KLRG1: variants seen among roughly 807,000 people sequenced by gnomAD.
The protein encoded by KLRG1 is killer cell lectin like receptor G1.
KLRG1 carries 16 observed loss-of-function variants against 21.8 expected under a neutral mutation model. That is an observed-to-expected ratio of 0.73 (90% CI 0.50 to 1.11). The LOEUF is 1.11. Ranked by LOEUF, KLRG1 falls within the 50% of genes most tolerant of loss-of-function variation. KLRG1 has a pLI of 0.00. For synonymous variants in KLRG1, 69 were observed against 75.9 expected (o/e 0.91, Z 0.47); for missense variants, 173 against 218.3 (o/e 0.79, Z 1.31).
the KLRG1 span, among the ~76,000 whole-genome samples, chr12:9,049,328 G>A: frequency 6.6e-6 from 1 of 152,274 alleles, no homozygotes; most frequent in African/African-American, 2.4e-5. Context: ...TGCCGGTGGC[G>A]GAGTGGGTGC....
At chr12:8,968,642 A>G (rs932632771) in intron 1 of KLRG1, among the ~76,000 whole-genome samples, 1 of 152,242 alleles carries the variant, frequency 6.6e-6, no homozygotes, top group Non-Finnish European at 1.5e-5. Context: ...ATTTAGTCCA[A>G]CAAATGAATA....
At chr12:9,164,440 G>A in the KLRG1 span, among the ~76,000 whole-genome samples, 3 of 152,236 alleles carry the variant, frequency 2.0e-5, no homozygotes, top group Non-Finnish European at 4.4e-5. Context: ...ATCAAGATTG[G>A]TTGTGTATTA....
the KLRG1 span, among the ~76,000 whole-genome samples, chr12:9,207,663 G>A: frequency 2.6e-5 from 4 of 152,210 alleles, no homozygotes; most frequent in Non-Finnish European, 5.9e-5. Flanking sequence ...GGAGAACTTT[G>A]AGACCAAGGA....
At chr12:9,103,927 C>A in the KLRG1 span, among the ~76,000 whole-genome samples, 4 of 152,052 alleles carry the variant, frequency 2.6e-5, no homozygotes, top group Admixed American at 2.0e-4. Flanking sequence ...GAATATATGT[C>A]CAGAAGTAGG....
chr12:9,162,833 T>G, the KLRG1 span, among the ~76,000 whole-genome samples: 2 of 152,144 alleles, frequency 1.3e-5, no homozygotes, highest in Non-Finnish European at 2.9e-5. Context: ...GTTACATAGG[T>G]AAATGTGTGC....
chr12:8,956,295 A>C (rs923247982), intron 1 of KLRG1, among the ~76,000 whole-genome samples: 8 of 152,206 alleles, frequency 5.3e-5, no homozygotes, highest in African/African-American at 1.9e-4. Context: ...GGTGGGACTG[A>C]ACAAGTTGGG....
the KLRG1 span, chr12:9,112,434 C>T: frequency 3.1e-6 from 5 of 1,613,938 alleles, no homozygotes; most frequent in Admixed American, 1.7e-5. Context: ...AGACTGTCCT[C>T]GTTCTTAACC....
the KLRG1 span, among the ~76,000 whole-genome samples, chr12:9,120,875 G>T: frequency 3.3e-5 from 5 of 151,114 alleles, no homozygotes; most frequent in Admixed American, 6.6e-5. Context: ...GTGTGTGTGT[G>T]TGTGTGTGTA....
At chr12:9,207,511 G>A in the KLRG1 span, among the ~76,000 whole-genome samples, 1 of 152,200 alleles carries the variant, frequency 6.6e-6, no homozygotes, top group Non-Finnish European at 1.5e-5. Flanking sequence ...GGAGTTCTAT[G>A]GGATATGAAA....
chr12:9,192,136 A>G, the KLRG1 span: 3 of 1,424,850 alleles, frequency 2.1e-6, no homozygotes, highest in East Asian at 4.6e-5. Context: ...ACTGTCACCG[A>G]GGGAAGGGTA....
chr12:9,120,268 G>A, the KLRG1 span, among the ~76,000 whole-genome samples: 1 of 152,130 alleles, frequency 6.6e-6, no homozygotes, highest in Non-Finnish European at 1.5e-5. Flanking sequence ...TGACAGAAAA[G>A]GGAGCACACA....
the KLRG1 span, among the ~76,000 whole-genome samples, chr12:9,025,151 G>T: frequency 6.6e-6 from 1 of 152,154 alleles, no homozygotes; most frequent in East Asian, 1.9e-4. Context: ...TCAGCAGGCT[G>T]ATCATACAAG....
chr12:9,080,106 C>T, the KLRG1 span: 50 of 1,585,908 alleles, frequency 3.2e-5, no homozygotes, highest in Non-Finnish European at 4.3e-5. Flanking sequence ...AAAACTGAGA[C>T]AGAAGCTCGG....
At chr12:9,077,331 T>C in the KLRG1 span, 1 of 1,608,352 alleles carries the variant, frequency 6.2e-7, no homozygotes, top group Non-Finnish European at 8.5e-7. Context: ...AGCAGAGGAA[T>C]GGGGTGGTAC....
the KLRG1 span, among the ~76,000 whole-genome samples, chr12:9,137,087 C>T: frequency 2.1e-4 from 32 of 152,202 alleles, no homozygotes; most frequent in Non-Finnish European, 3.7e-4. Flanking sequence ...GGTGTCATAT[C>T]CAAGAAATCA....
the KLRG1 span, chr12:9,192,048 A>G: frequency 1.5e-6 from 1 of 656,106 alleles, no homozygotes; most frequent in South Asian, 2.0e-5. Flanking sequence ...TTAAAATGCC[A>G]AAGAGTCATA....
intron 3 of KLRG1, among the ~76,000 whole-genome samples, chr12:8,998,630 A>C (rs1947210380): frequency 6.6e-6 from 1 of 151,248 alleles, no homozygotes; most frequent in Non-Finnish European, 1.5e-5. Flanking sequence ...TAGAGGCTGC[A>C]GTTAGCCGTG....
At chr12:9,031,215 C>CAA in the KLRG1 span, among the ~76,000 whole-genome samples, 1 of 152,176 alleles carries the variant, frequency 6.6e-6, no homozygotes, top group Non-Finnish European at 1.5e-5. Flanking sequence ...CTGAAAAACT[C>CAA]AGTCTCTCAT....
chr12:9,099,924 G>C, the KLRG1 span, among the ~76,000 whole-genome samples: 1 of 152,208 alleles, frequency 6.6e-6, no homozygotes, highest in South Asian at 2.1e-4. Context: ...TTCTCCATAA[G>C]AGGAACACCA....
Sources: allele counts gnomAD v4.1 joint callset (sites outside exome capture counted in the v4.1 genomes callset), GRCh38; gene constraint gnomAD v4.1.1; transcripts MANE v1.5; gene names NCBI Gene and HGNC (gene_info 2026-07-23, HGNC 2026-07-21).